LRFN4: variants seen among roughly 807,000 people sequenced by gnomAD.
LRFN4 encodes leucine-rich repeat and fibronectin type-III domain-containing protein 4.
In LRFN4, 10 loss-of-function variants were observed where a neutral mutation model predicts 29.0. The ratio of observed to expected loss-of-function variants is 0.35; its 90% CI spans 0.21 to 0.59. The LOEUF is 0.59. LRFN4 is among the 20% of genes least tolerant of loss of function. The pLI is 0.82. For missense variants in LRFN4, 850 were observed against 907.9 expected, an observed-to-expected ratio of 0.94 and a Z score of 0.82; for synonymous variants, 493 against 437.0, an observed-to-expected ratio of 1.13 and a Z score of -1.60.
rs376345406 is a variant in LRFN4 at position 66,858,232 on chromosome 11, C to T, written c.488C>T (p.Ala163Val). 682 of 1,612,408 alleles carry T rather than the reference C, an allele frequency of 4.2e-4. 14 individuals are homozygous for T. In the South Asian group the frequency reaches 7.2e-3, roughly 17 times the overall value. The change falls in exon 1 of 2, where the codon GCC becomes GTC. Residue 163 changes from alanine (A) to valine (V), a missense_variant. Physicochemically the swap from Ala to Val is moderately conservative, Grantham distance 64 (BLOSUM62 0). Coordinates refer to ENST00000309602, the MANE Select transcript of LRFN4 (RefSeq NM_024036.5). This position sits in a 1 kb window ranked among gnomAD's most constrained non-coding sequence, Gnocchi z 5.9. ...AACAACCTCCGGCAGGTGCCCTGGGCCGGCATCGGCGCCATGCCTGCCCTG... is the reference window on the plus strand; with the variant it reads ...AACAACCTCCGGCAGGTGCCCTGGGTCGGCATCGGCGCCATGCCTGCCCTG... ...SYNNLRQVPW[A>V]GIGAMPALHT...
Position 66,858,303 on chromosome 11 carries a change from G to T in LRFN4, c.559G>T (p.Gly187Cys). ...DHNLIDALPP[G>C]AFAQLGQLSR... Reference sequence around the variant, plus strand: ...TAACCTTATTGACGCACTGCCCCCAGGCGCCTTCGCCCAGCTCGGTCAGCT... The same window carrying T: ...TAACCTTATTGACGCACTGCCCCCATGCGCCTTCGCCCAGCTCGGTCAGCT... The change falls in exon 1 of 2, where the codon GGC becomes TGC. Residue 187 changes from glycine to cysteine, a missense_variant. Physicochemically the swap from Gly to Cys is radical, Grantham distance 159. Transcript: ENST00000309602. This position sits in a 1 kb window ranked among gnomAD's most constrained non-coding sequence, Gnocchi z 5.9. The T allele has an allele frequency of 6.2e-7, 1 of 1,610,668 alleles. No individual in the cohort carries two copies. Among genetic ancestry groups the T allele is most frequent in the Non-Finnish European group, 8.5e-7 (1 of 1,179,818 alleles).
Position 66,859,707 on chromosome 11 carries a change from C to T in LRFN4, c.1420C>T (p.Leu474=). ...CCCCGGCGCTGACTATGACCTCTGC[C>T]TGCTGGCCTTGTCACCGGCCGCTGG... The part of the protein sequence containing the change: ...LVPGADYDLC[L]LALSPAAGPS... Residue 474 remains leucine, a synonymous_variant, in exon 2 of 2, where the codon CTG becomes TTG. Transcript: ENST00000309602. 6.2e-7 allele frequency: 1 copy of T among 1,612,484 alleles called. No individual in the cohort carries two copies.
rs1032219821 is a variant in LRFN4, at chr11:66,857,759, C to T, written c.15C>T (p.Leu5=). MAPP[L]LLLLLASGAA... ...GGGCGCTCACCATGGCCCCGCCGCT[C>T]CTGCTGCTGCTGCTGGCCAGTGGAG... Residue 5 remains leucine, a synonymous_variant, in exon 1 of 2, where the codon CTC becomes CTT. Transcript: ENST00000309602. This position sits in a 1 kb window ranked among gnomAD's most constrained non-coding sequence, Gnocchi z 7.1. The T allele has an allele frequency of 2.2e-5, 35 of 1,592,918 alleles. No homozygotes were observed. The highest frequency in any genetic ancestry group is 2.7e-5 in the Non-Finnish European group (32 of 1,176,172).
chr11:66,859,220 T>G, intron 1 of LRFN4, 127 bp downstream of exon 1: 1 of 1,243,434 alleles, frequency 8.0e-7, no homozygotes, highest in South Asian at 1.7e-5. Context: ...CCATGGCTGC[T>G]GGACTCTTGG....
At position 66,860,104 on chromosome 11, in the gene LRFN4, G is replaced by A. The variant is rs756075388; in HGVS notation, c.1817G>A (p.Arg606Gln). 3.0e-5 allele frequency: 46 copies of A among 1,551,634 alleles called. No homozygotes were observed. The East Asian group carries it at 9.5e-4, about 32-fold the overall frequency. ...AGGCGCCTGGGAGGAGCTTGGGCCC[G>A]ACGGAGCCACTCTGTGCATGGGGGG... ...YARRLGGAWA[R>Q]RSHSVHGGLL... Residue 606 changes from arginine to glutamine, a missense_variant, in exon 2 of 2, where the codon CGA (arginine) becomes CAA (glutamine). By Grantham distance (43) the Arg-to-Gln change is conservative. This residue lies in a region of LRFN4 where 744 missense variants were observed against 753.8 expected (regional missense o/e 0.99). Transcript: ENST00000309602.
At position 66,857,279 on chromosome 11, in the gene LRFN4, C is replaced by G. The variant is rs1332982219; in HGVS notation, c.-466C>G. On this transcript the variant is annotated 5_prime_UTR_variant, in exon 1 of 2. Coordinates refer to ENST00000309602, the MANE Select transcript of LRFN4 (RefSeq NM_024036.5). The surrounding 1 kb of genome is among the most constrained non-coding windows in gnomAD (Gnocchi z 7.1). ...TCGCAGGGAGGCCGGCCCGCGCCCC[C>G]TGAGCGACGGACACCAGGTGAGGGG... 1 of 149,546 alleles carries G rather than the reference C, an allele frequency of 6.7e-6. No individual in the cohort carries two copies. Among genetic ancestry groups the G allele is most frequent in the Non-Finnish European group, 1.5e-5 (1 of 66,952 alleles). The allele number at this position is 149,546 out of a possible 1,614,324, so 9.3% of individuals were successfully genotyped here. A position where few individuals can be genotyped will look rare whatever the true frequency, so the allele number is the denominator to read the frequency against.
chr11:66,859,924 A>G lies in LRFN4; in HGVS notation c.1637A>G (p.Asn546Ser), dbSNP rs757899551. Residue 546 changes from asparagine to serine, a missense_variant, in exon 2 of 2, where the codon AAT (asparagine) becomes AGT (serine). Physicochemically the swap from Asn to Ser is conservative, Grantham distance 46 (BLOSUM62 1). Transcript: ENST00000309602. The part of the protein sequence containing the change: ...ALLVRGRGAG[N>S]GRLPLKLSHV... Reference sequence around the variant, plus strand: ...CTGGTTCGGGGCCGGGGGGCCGGAAATGGCCGCCTCCCCCTCAAGCTCAGC... The same window carrying G: ...CTGGTTCGGGGCCGGGGGGCCGGAAGTGGCCGCCTCCCCCTCAAGCTCAGC... 5.7e-6 allele frequency: 9 copies of G among 1,586,488 alleles called. No homozygotes were observed. Among genetic ancestry groups the G allele is most frequent in the Non-Finnish European group, 7.7e-6 (9 of 1,166,956 alleles).
In LRFN4 at chr11:66,860,013, C is replaced by A. The variant is rs768115120; in HGVS notation, c.1726C>A (p.Pro576Thr). 25 of 1,591,602 alleles carry A rather than the reference C, an allele frequency of 1.6e-5. No individual in the cohort carries two copies. In the Admixed American group the frequency reaches 1.9e-4, roughly 12 times the overall value. The change falls in exon 2 of 2, where the codon CCC becomes ACC. Residue 576 changes from proline to threonine, a missense_variant. By Grantham distance (38) the Pro-to-Thr change is conservative (BLOSUM62 -1). Coordinates refer to ENST00000309602, the MANE Select transcript of LRFN4 (RefSeq NM_024036.5). Reference sequence around the variant, plus strand: ...ACCCAAGGCCCACCCGCCGCGGAGCCCCCCGCCCCGGCCGCAGCGCAGCTG... The same window carrying A: ...ACCCAAGGCCCACCCGCCGCGGAGCACCCCGCCCCGGCCGCAGCGCAGCTG... ...PTPKAHPPRS[P>T]PPRPQRSCSL...
chr11:66,859,987 C>T lies in LRFN4; in HGVS notation c.1700C>T (p.Thr567Ile). The part of the protein sequence containing the change: ...QSQTNGGPSP[T>I]PKAHPPRSPP... ...CAGACCAATGGAGGCCCCAGCCCCA[C>T]ACCCAAGGCCCACCCGCCGCGGAGC... Residue 567 changes from threonine to isoleucine, a missense_variant, in exon 2 of 2, where the codon ACA (threonine) becomes ATA (isoleucine). By Grantham distance (89) the Thr-to-Ile change is moderately conservative (BLOSUM62 -1). Coordinates refer to ENST00000309602, the MANE Select transcript of LRFN4 (RefSeq NM_024036.5). 7 of 1,598,736 alleles carry T rather than the reference C, an allele frequency of 4.4e-6. No individual in the cohort carries two copies. The highest frequency in any genetic ancestry group is 6.0e-6 in the Non-Finnish European group (7 of 1,172,714).
chr11:66,858,380 G>T lies in LRFN4; in HGVS notation c.636G>T (p.Pro212=). ...SNRLATLAPD[P]LFSRGRDAEA... is the part of the protein sequence containing the mutation. ...GCCTGGCCACGCTGGCTCCGGACCCGCTTTTCTCTCGTGGGCGTGATGCAG... is the reference window on the plus strand; with the variant it reads ...GCCTGGCCACGCTGGCTCCGGACCCTCTTTTCTCTCGTGGGCGTGATGCAG... Residue 212 remains proline (P), a synonymous_variant, in exon 1 of 2, where the codon CCG becomes CCT. Transcript: ENST00000309602. This position sits in a 1 kb window ranked among gnomAD's most constrained non-coding sequence, Gnocchi z 5.9. 6.3e-7 allele frequency: 1 copy of T among 1,577,304 alleles called. No homozygotes were observed.
rs531056189 is a variant in LRFN4, at chr11:66,858,793, C to T, written c.1049C>T (p.Thr350Ile). The stretch of plus-strand genomic sequence containing the variant: ...GGCGCTGGGGACGCTGGGGGCTACA[C>T]CTGCATCGCCACCAACCCTGCTGGT... ...VTGAGDAGGY[T>I]CIATNPAGEA... Residue 350 changes from threonine (T) to isoleucine (I), a missense_variant, in exon 1 of 2, where the codon ACC (threonine) becomes ATC (isoleucine). Physicochemically the swap from Thr to Ile is moderately conservative, Grantham distance 89. Coordinates refer to ENST00000309602, the MANE Select transcript of LRFN4 (RefSeq NM_024036.5). The surrounding 1 kb of genome is among the most constrained non-coding windows in gnomAD (Gnocchi z 5.9). 24 of 1,549,746 alleles carry T rather than the reference C, an allele frequency of 1.5e-5. No homozygotes were observed. In the South Asian group the frequency reaches 2.4e-4, roughly 15 times the overall value.
At position 66,860,294 on chromosome 11, in the gene LRFN4, C is replaced by G. The variant is rs113659922; in HGVS notation, c.*99C>G. On this transcript the variant is annotated 3_prime_UTR_variant, in exon 2 of 2. Transcript: ENST00000309602. ...TGGGAGTCCCTCCCTGGTTTTTATT[C>G]TCAGTACCTCAGGCTCCCCTGTGTA... 24 of 1,463,374 alleles carry G rather than the reference C, an allele frequency of 1.6e-5. 1 individual carries two copies. The African/African-American group carries it at 1.8e-4, about 11-fold the overall frequency. 90.6% of individuals were successfully genotyped at this position (1,463,374 alleles called of 1,614,324 possible).
At chr11:66,859,214 G>A in intron 1 of LRFN4, 121 bp downstream of exon 1, 2 of 1,273,104 alleles carry the variant, frequency 1.6e-6, no homozygotes, top group Non-Finnish European at 2.1e-6. Flanking sequence ...CCCCGACCAT[G>A]GCTGCTGGAC....
chr11:66,858,530 C>T lies in LRFN4; in HGVS notation c.786C>T (p.Gly262=). ...TGGAAACGTGCGCCTCCCCGCCCGGCCTGGCCGGCCGCTACTTCTGGGCAG... is the reference window on the plus strand; with the variant it reads ...TGGAAACGTGCGCCTCCCCGCCCGGTCTGGCCGGCCGCTACTTCTGGGCAG... The part of the protein sequence containing the change: ...DDLETCASPP[G]LAGRYFWAVP... The change falls in exon 1 of 2, where the codon GGC becomes GGT. Residue 262 remains glycine (G), a synonymous_variant. Coordinates refer to ENST00000309602, the MANE Select transcript of LRFN4 (RefSeq NM_024036.5). This position sits in a 1 kb window ranked among gnomAD's most constrained non-coding sequence, Gnocchi z 5.9. The T allele has an allele frequency of 6.5e-7, 1 of 1,533,828 alleles. No homozygotes were observed. The highest frequency in any genetic ancestry group is 1.4e-5 in the African/African-American group (1 of 73,074).
At chr11:66,859,234 A>T (rs2135872627) in intron 1 of LRFN4, 141 bp downstream of exon 1, 1 of 1,186,692 alleles carries the variant, frequency 8.4e-7, no homozygotes, top group African/African-American at 1.6e-5. Context: ...CTCTTGGAGG[A>T]GCAGTGGCCT....
chr11:66,859,604 C>T (rs760928802), intron 1 of LRFN4, 33 bp from the exon 2 acceptor site: 3 of 1,611,418 alleles, frequency 1.9e-6, no homozygotes, highest in East Asian at 2.2e-5. Context: ...TAGACCCCAG[C>T]CCCGGGCTCT....
At position 66,860,065 on chromosome 11, in the gene LRFN4, G is replaced by A; in HGVS notation, c.1778G>A (p.Cys593Tyr). Reference protein sequence around the residue: ...SCSLDLGDAGCYGYARRLGGA... With the variant: ...SCSLDLGDAGYYGYARRLGGA... Reference sequence around the variant, plus strand: ...TCTCTGGACCTGGGAGATGCCGGGTGCTACGGTTATGCCAGGCGCCTGGGA... The same window carrying A: ...TCTCTGGACCTGGGAGATGCCGGGTACTACGGTTATGCCAGGCGCCTGGGA... The change falls in exon 2 of 2, where the codon TGC (cysteine) becomes TAC (tyrosine). Residue 593 changes from cysteine to tyrosine, a missense_variant. Coordinates refer to ENST00000309602, the MANE Select transcript of LRFN4 (RefSeq NM_024036.5). The A allele has an allele frequency of 6.4e-7, 1 of 1,564,830 alleles. No homozygotes were observed. The highest frequency in any genetic ancestry group is 1.2e-5 in the South Asian group (1 of 85,906).
rs753128001 is a variant in LRFN4, at chr11:66,859,019, C to T, written c.1275C>T (p.Pro425=). The T allele has an allele frequency of 1.1e-5, 17 of 1,511,186 alleles. No individual in the cohort carries two copies. The highest frequency in any genetic ancestry group is 1.8e-4 in the Middle Eastern group (1 of 5,632). 93.6% of individuals were successfully genotyped at this position (1,511,186 alleles called of 1,614,324 possible). ...CCTCAGGGCTGGTGAGCTGGGGTCC[C>T]GGGCGGCCAGCCGACCCAGTGTGGA... is the stretch of plus-strand genomic sequence containing the variant. ...TATSGLVSWG[P]GRPADPVWMF... is the part of the protein sequence containing the mutation. The change falls in exon 1 of 2, where the codon CCC becomes CCT. Residue 425 remains proline, a synonymous_variant. Transcript: ENST00000309602.
rs922617771 is a variant in LRFN4, at chr11:66,858,567, G to A, written c.823G>A (p.Glu275Lys). 5.9e-6 allele frequency: 9 copies of A among 1,532,776 alleles called. No individual in the cohort carries two copies. Among genetic ancestry groups the A allele is most frequent in the Admixed American group, 2.0e-5 (1 of 50,772 alleles). The allele number at this position is 1,532,776 out of a possible 1,614,324, so 94.9% of individuals were successfully genotyped here. ...CTACTTCTGGGCAGTGCCCGAGGGC[G>A]AGTTCTCCTGTGAGCCGCCCCTCAT... ...GRYFWAVPEG[E>K]FSCEPPLIAR... The change falls in exon 1 of 2, where the codon GAG becomes AAG. Residue 275 changes from glutamate (E) to lysine (K), a missense_variant. Around this residue, in one of 2 missense-constraint regions of LRFN4, gnomAD observed 744 missense variants for 753.8 expected, o/e 0.99. Transcript: ENST00000309602. The surrounding 1 kb of genome is among the most constrained non-coding windows in gnomAD (Gnocchi z 5.9).
Sources: gnomAD v4.1 joint callset for allele counts on GRCh38, gnomAD v4.1.1 for gene constraint, gnomAD v4.1.1 regional missense constraint, Gnocchi (gnomAD v3.1) non-coding constraint, MANE v1.5 for transcripts, NCBI Gene and HGNC (gene_info 2026-07-23, HGNC 2026-07-21) for gene names.